DMD: variants seen among roughly 807,000 people sequenced by gnomAD.
DMD encodes mutant dystrophin.
Under a neutral mutation model 330.1 loss-of-function variants are expected in DMD, and 63 were observed. That is an observed-to-expected ratio of 0.19 (90% confidence interval 0.16 to 0.24). DMD has a LOEUF of 0.24. DMD is among the 10% of genes least tolerant of loss of function. The probability of loss-of-function intolerance (pLI) is 1.00; values close to 1 mark genes in which losing one functional copy is unlikely to be tolerated. For missense variants in DMD, 3,344 were observed against 2,684.1 expected (o/e 1.25, Z -5.43); for synonymous variants, 1,223 against 959.8 (o/e 1.27, Z -5.07).
At chrX:31,869,127 G>A (rs957073481) in intron 48 of DMD, among the ~76,000 whole-genome samples, 1 of 111,564 alleles carries the variant, frequency 9.0e-6, no homozygotes, top group Admixed American at 9.5e-5. Context: ...GCACTATGCT[G>A]TACAGTATAT....
In DMD at chrX:33,038,980, C is replaced by T. The variant is rs539843515; in HGVS notation, c.32-18780G>A. On this transcript the variant is annotated intron_variant, in intron 1 of 78. Transcript: ENST00000357033. ...CTGCACTCCAGCCTGGGTGACAGAG[C>T]GAGGCTTCGTCTCAAAAAAGAAAAA... Among the ~76,000 whole-genome samples, 20 of 110,892 alleles carry T rather than the reference C, an allele frequency of 1.8e-4. No homozygotes were observed. The South Asian group carries it at 7.7e-3, about 43-fold the overall frequency.
intron 52 of DMD, among the ~76,000 whole-genome samples, chrX:31,727,051 G>A (rs1399224576): frequency 8.9e-6 from 1 of 111,791 alleles, no homozygotes; most frequent in East Asian, 2.8e-4. Flanking sequence ...AATGGAAAAT[G>A]TTCAGACAAT....
chrX:32,222,793 T>C (rs1050610134), intron 43 of DMD, among the ~76,000 whole-genome samples: 4 of 112,193 alleles, frequency 3.6e-5, no homozygotes, highest in Non-Finnish European at 7.5e-5. Context: ...CTTCTTTAAT[T>C]TCAGGACTTA....
intron 55 of DMD, among the ~76,000 whole-genome samples, chrX:31,603,768 C>T (rs1363497105): frequency 8.9e-6 from 1 of 111,801 alleles, no homozygotes; most frequent in Non-Finnish European, 1.9e-5. Flanking sequence ...CCTATGTTTC[C>T]AGAGTGGTAA....
At chrX:32,071,117 A>G (rs774802193) in intron 44 of DMD, among the ~76,000 whole-genome samples, 25 of 111,279 alleles carry the variant, frequency 2.2e-4, no homozygotes, top group African/African-American at 8.2e-4. Flanking sequence ...TAGTGCCGCA[A>G]TAAACATACA....
intron 26 of DMD, among the ~76,000 whole-genome samples, chrX:32,451,141 A>T (rs1481685576): frequency 9.0e-6 from 1 of 110,785 alleles, no homozygotes; most frequent in East Asian, 2.8e-4. Context: ...TCACTCTGCA[A>T]CTTGTTCTTT....
chrX:32,668,845 A>T (rs1331503303), intron 9 of DMD, among the ~76,000 whole-genome samples: 1 of 110,755 alleles, frequency 9.0e-6, no homozygotes. Flanking sequence ...ATAATCACTT[A>T]CTAAAAATGG....
chrX:32,165,200 C>T (rs1459230350), intron 44 of DMD, among the ~76,000 whole-genome samples: 1 of 112,263 alleles, frequency 8.9e-6, no homozygotes, highest in East Asian at 2.8e-4. Flanking sequence ...AATGGTAGAG[C>T]GATCAACAGC....
chrX:31,933,802 T>C (rs781311114), intron 45 of DMD, among the ~76,000 whole-genome samples: 1 of 111,989 alleles, frequency 8.9e-6, no homozygotes, highest in Non-Finnish European at 1.9e-5. Flanking sequence ...TTATACTCCT[T>C]TGTGTCTCGC....
intron 2 of DMD, among the ~76,000 whole-genome samples, chrX:32,991,360 A>C (rs918898584): frequency 2.7e-5 from 3 of 111,656 alleles, no homozygotes; most frequent in African/African-American, 6.5e-5. Context: ...TAGCTTTTAA[A>C]GGCTAAAGTT....
chrX:32,266,801 A>G (rs1297655549), intron 43 of DMD, among the ~76,000 whole-genome samples: 5 of 112,134 alleles, frequency 4.5e-5, no homozygotes, highest in Non-Finnish European at 7.5e-5. Context: ...TTGTATAATA[A>G]TAAAGTTATG....
At chrX:32,495,909 T>G (rs183461563) in intron 19 of DMD, among the ~76,000 whole-genome samples, 24 of 111,935 alleles carry the variant, frequency 2.1e-4, no homozygotes, top group Non-Finnish European at 3.6e-4. Context: ...GCAATACTTA[T>G]GGAAACCATT....
At chrX:31,694,635 TATATATATATATATACAC>T (rs1163228936) in intron 52 of DMD, among the ~76,000 whole-genome samples, 1 of 91,061 alleles carries the variant, frequency 1.1e-5, no homozygotes, top group African/African-American at 4.3e-5. Flanking sequence ...TATATATATA[TATATATATATATATACAC>T]ACACATATAT....
intron 62 of DMD, among the ~76,000 whole-genome samples, chrX:31,295,070 C>T (rs1477259205): frequency 9.0e-6 from 1 of 111,289 alleles, no homozygotes; most frequent in Non-Finnish European, 1.9e-5. Flanking sequence ...GATCTCGGCT[C>T]ACTGCAAGCT....
intron 55 of DMD, among the ~76,000 whole-genome samples, chrX:31,615,756 C>T (rs988380377): frequency 3.6e-5 from 4 of 111,890 alleles, no homozygotes; most frequent in African/African-American, 1.3e-4. Flanking sequence ...TTCATTCACA[C>T]GTCTATTTCT....
At chrX:32,985,094 C>T (rs189811710) in intron 2 of DMD, among the ~76,000 whole-genome samples, 17 of 112,257 alleles carry the variant, frequency 1.5e-4, no homozygotes, top group East Asian at 1.4e-3. Context: ...TTCATGCTTT[C>T]GCAGTTTCTA....
At chrX:31,764,214 A>ATT (rs2089836259) in intron 51 of DMD, among the ~76,000 whole-genome samples, 1 of 111,475 alleles carries the variant, frequency 9.0e-6, no homozygotes, top group African/African-American at 3.3e-5. Flanking sequence ...GTAAAATCTC[A>ATT]TTATATATAG....
At chrX:32,582,651 G>T (rs983177114) in intron 13 of DMD, among the ~76,000 whole-genome samples, 3 of 111,386 alleles carry the variant, frequency 2.7e-5, no homozygotes, top group Non-Finnish European at 5.6e-5. Context: ...GATCGAAATG[G>T]CCAAAAGCAG....
chrX:32,697,526 G>T (rs888740367), intron 9 of DMD, among the ~76,000 whole-genome samples: 1 of 111,876 alleles, frequency 8.9e-6, no homozygotes, highest in Non-Finnish European at 1.9e-5. Flanking sequence ...TTTCACAGAT[G>T]TACCTACACT....
Sources: allele counts gnomAD v4.1 joint callset (sites outside exome capture counted in the v4.1 genomes callset), GRCh38; gene constraint gnomAD v4.1.1; transcripts MANE v1.5; gene names NCBI Gene and HGNC (gene_info 2026-07-23, HGNC 2026-07-21).